Variants in TRAM2 observed in about 807,000 individuals in gnomAD.
The protein encoded by TRAM2 is translocation associated membrane protein 2.
In TRAM2, 12 loss-of-function variants were observed where a neutral mutation model predicts 51.0. The ratio of observed to expected loss-of-function variants is 0.24; its 90% CI spans 0.15 to 0.38. TRAM2 has a LOEUF of 0.38. TRAM2 is among the 10% of genes least tolerant of loss of function. The probability of loss-of-function intolerance (pLI) is 1.00; values close to 1 mark genes in which losing one functional copy is unlikely to be tolerated. For missense variants in TRAM2, 361 were observed against 462.0 expected, an observed-to-expected ratio of 0.78 and a Z score of 2.00; for synonymous variants, 175 against 179.4, an observed-to-expected ratio of 0.98 and a Z score of 0.20.
intron 2 of TRAM2, among the ~76,000 whole-genome samples, chr6:52,528,603 G>A (rs1766825730): frequency 6.6e-6 from 1 of 152,160 alleles, no homozygotes. Context: ...CATCCTAGAA[G>A]AGGCTGCGAG....
At chr6:52,542,381 T>C (rs972996658) in intron 1 of TRAM2, among the ~76,000 whole-genome samples, 3 of 152,130 alleles carry the variant, frequency 2.0e-5, no homozygotes, top group African/African-American at 7.2e-5. Context: ...GGACGTGGGT[T>C]TGCAGCCCCT....
At chr6:52,538,309 C>T (rs989413064) in intron 1 of TRAM2, among the ~76,000 whole-genome samples, 1 of 152,200 alleles carries the variant, frequency 6.6e-6, no homozygotes, top group African/African-American at 2.4e-5. Context: ...GTCTGCCATC[C>T]ATTCTCCTCT....
chr6:52,565,806 T>C (rs1421204365), intron 1 of TRAM2, among the ~76,000 whole-genome samples: 1 of 152,232 alleles, frequency 6.6e-6, no homozygotes. Flanking sequence ...ATACAGGCTG[T>C]GCCTACTTCT....
chr6:52,525,473 A>T (rs1766760615), intron 2 of TRAM2, among the ~76,000 whole-genome samples: 1 of 152,040 alleles, frequency 6.6e-6, no homozygotes, highest in African/African-American at 2.4e-5. Context: ...GCACAGATAC[A>T]CACACACACA....
intron 7 of TRAM2, 64 bp from the exon 8 acceptor site, chr6:52,506,200 C>T: frequency 2.7e-6 from 4 of 1,477,400 alleles, no homozygotes; most frequent in Non-Finnish European, 3.8e-6. Flanking sequence ...GAAGCCATTG[C>T]ATCTTGGCTC....
At chr6:52,572,281 A>G (rs1421474114) in intron 1 of TRAM2, among the ~76,000 whole-genome samples, 6 of 152,232 alleles carry the variant, frequency 3.9e-5, no homozygotes, top group Admixed American at 3.9e-4. Context: ...AAAAGCTGGC[A>G]AAGGAACTTC....
intron 1 of TRAM2, among the ~76,000 whole-genome samples, chr6:52,561,297 T>C (rs955923639): frequency 5.9e-5 from 9 of 152,200 alleles, no homozygotes; most frequent in African/African-American, 1.9e-4. Context: ...CTGTTTGTTT[T>C]GTAGAGACGG....
intron 1 of TRAM2, among the ~76,000 whole-genome samples, chr6:52,553,498 C>T (rs1006349171): frequency 1.3e-5 from 2 of 152,198 alleles, no homozygotes; most frequent in Non-Finnish European, 2.9e-5. Context: ...TCTGCTCTGC[C>T]TTCCATTTGT....
intron 1 of TRAM2, among the ~76,000 whole-genome samples, chr6:52,565,568 T>C (rs1333481914): frequency 6.6e-6 from 1 of 152,106 alleles, no homozygotes; most frequent in Non-Finnish European, 1.5e-5. Flanking sequence ...ACTAAACTAA[T>C]CTGCTAGAAA....
At chr6:52,557,213 G>A (rs1767426696) in intron 1 of TRAM2, among the ~76,000 whole-genome samples, 1 of 142,538 alleles carries the variant, frequency 7.0e-6, no homozygotes, top group African/African-American at 2.5e-5. Context: ...GATATGTCTG[G>A]TGAGGAACGG....
chr6:52,498,753 CTG>C lies in TRAM2; in HGVS notation c.*4442_*4443del, dbSNP rs1367120240. The C allele has an allele frequency of 6.6e-6, 1 of 152,662 alleles. No homozygotes were observed. Among genetic ancestry groups the C allele is most frequent in the Non-Finnish European group, 1.5e-5 (1 of 68,072 alleles). 9.5% of individuals were successfully genotyped at this position (152,662 alleles called of 1,614,324 possible). Reference sequence around the variant, plus strand: ...GGGGTTAGAAACAAATGGGGTGAAACTGTCACAATCCGTGTCCCTTTTATATA... The same window carrying C: ...GGGGTTAGAAACAAATGGGGTGAAACTCACAATCCGTGTCCCTTTTATATA... On this transcript the variant is annotated 3_prime_UTR_variant, in exon 11 of 11. Coordinates refer to ENST00000182527, the MANE Select transcript of TRAM2 (RefSeq NM_012288.4).
intron 10 of TRAM2, among the ~76,000 whole-genome samples, chr6:52,503,700 C>G (rs1008051793): frequency 6.6e-6 from 1 of 152,194 alleles, no homozygotes; most frequent in Non-Finnish European, 1.5e-5. Flanking sequence ...AGCAAGAACT[C>G]CCAGGAGCAG....
chr6:52,520,857 T>C lies in TRAM2; in HGVS notation c.185-4120A>G, dbSNP rs151268379. 1.1e-3 allele frequency among the ~76,000 whole-genome samples: 162 copies of C among 152,252 alleles called. 1 individual carries two copies. Among genetic ancestry groups the C allele is most frequent in the African/African-American group, 3.8e-3 (158 of 41,554 alleles). ...TTCATACACAAATAATCAAAAGCTA[T>C]ATTCTGATTCGCACAAATTATCTCC... On this transcript the variant is annotated intron_variant, in intron 2 of 10. Coordinates refer to ENST00000182527, the MANE Select transcript of TRAM2 (RefSeq NM_012288.4).
intron 1 of TRAM2, among the ~76,000 whole-genome samples, chr6:52,560,137 G>C (rs1467763927): frequency 6.6e-6 from 1 of 151,888 alleles, no homozygotes; most frequent in Admixed American, 6.6e-5. Flanking sequence ...CAGCTACTTC[G>C]GGAGGCTGAG....
At chr6:52,504,848 A>T in intron 9 of TRAM2, 94 bp from the exon 10 acceptor site, 10 of 1,191,104 alleles carry the variant, frequency 8.4e-6, no homozygotes, top group African/African-American at 1.5e-5. Flanking sequence ...GGGGCCCTGC[A>T]GTTCCCATGG....
At chr6:52,567,659 C>T (rs1223474336) in intron 1 of TRAM2, among the ~76,000 whole-genome samples, 2 of 152,228 alleles carry the variant, frequency 1.3e-5, no homozygotes, top group Non-Finnish European at 2.9e-5. Context: ...GCCAAATTCT[C>T]CATATTGCCA....
At chr6:52,542,755 C>G (rs2114091744) in intron 1 of TRAM2, among the ~76,000 whole-genome samples, 1 of 152,106 alleles carries the variant, frequency 6.6e-6, no homozygotes, top group African/African-American at 2.4e-5. Context: ...TTTGAATAGC[C>G]ACAATAAAAT....
At chr6:52,573,222 G>A (rs1277238028) in intron 1 of TRAM2, among the ~76,000 whole-genome samples, 1 of 152,030 alleles carries the variant, frequency 6.6e-6, no homozygotes, top group Non-Finnish European at 1.5e-5. Flanking sequence ...AATTTGAAAC[G>A]TGGCACAGAA....
intron 1 of TRAM2, among the ~76,000 whole-genome samples, chr6:52,555,136 T>C (rs901153623): frequency 1.3e-5 from 2 of 152,204 alleles, no homozygotes; most frequent in African/African-American, 4.8e-5. Flanking sequence ...AGTAACACTT[T>C]GATTTATGTT....
Sources: gnomAD v4.1 joint callset for allele counts (sites outside exome capture counted in the v4.1 genomes callset) on GRCh38, gnomAD v4.1.1 for gene constraint, MANE v1.5 for transcripts, NCBI Gene and HGNC (gene_info 2026-07-23, HGNC 2026-07-21) for gene names.